Variants in MMP13 observed in about 807,000 individuals in gnomAD.
MMP13 encodes the protein collagenase 3.
In MMP13, 45 loss-of-function variants were observed where a neutral mutation model predicts 52.1. That is an observed-to-expected ratio of 0.86 (90% CI 0.68 to 1.11). MMP13 has a LOEUF of 1.11. MMP13 is among the 50% of genes least tolerant of loss of function. The pLI, the probability that MMP13 is intolerant of heterozygous loss-of-function variation, is 0.00. For synonymous variants in MMP13, 200 were observed against 204.4 expected (o/e 0.98, Z 0.18); for missense variants, 576 against 583.8 (o/e 0.99, Z 0.14).
At chr11:102,946,739 A>G (rs1314863222) in intron 8 of MMP13, among the ~76,000 whole-genome samples, 2 of 152,206 alleles carry the variant, frequency 1.3e-5, no homozygotes, top group Non-Finnish European at 2.9e-5. Flanking sequence ...CTGACTGAAC[A>G]ATATACTTCT....
chr11:102,946,796 G>T (rs574687926), intron 8 of MMP13, among the ~76,000 whole-genome samples: 2 of 152,304 alleles, frequency 1.3e-5, no homozygotes, highest in East Asian at 3.9e-4. Context: ...AGCTGGCAGT[G>T]ATTTCTAGAA....
In MMP13 at chr11:102,949,213, A is replaced by G. The variant is rs895375770; in HGVS notation, c.918-55T>C. On this transcript the variant is annotated intron_variant, in intron 6 of 9. Coordinates refer to ENST00000260302, the MANE Select transcript of MMP13 (RefSeq NM_002427.4). The surrounding 1 kb of genome is among the most constrained non-coding windows in gnomAD (Gnocchi z 4.2). ...TCACATTTTTAAATGCAATATTTCT[A>G]TCCTGCTAGTCACCTCTCTCCACAT... The G allele has an allele frequency of 1.3e-6, 2 of 1,596,306 alleles. No homozygotes were observed. The highest frequency in any genetic ancestry group is 8.5e-7 in the Non-Finnish European group (1 of 1,171,902).
chr11:102,948,269 A>C lies in MMP13; in HGVS notation c.1052-219T>G, dbSNP rs576200304. ...TAACTTCCCAATTATGAATATAGCT[A>C]ATCAAATATCACAGTTAACTTGGCA... On this transcript the variant is annotated intron_variant, in intron 7 of 9. Coordinates refer to ENST00000260302, the MANE Select transcript of MMP13 (RefSeq NM_002427.4). Among the ~76,000 whole-genome samples the C allele has an allele frequency of 2.0e-5, 3 of 152,336 alleles. No homozygotes were observed. In the South Asian group the frequency reaches 6.2e-4, roughly 32 times the overall value.
At position 102,950,371 on chromosome 11, in the gene MMP13, G is replaced by C. The variant is rs782529079; in HGVS notation, c.800-144C>G. 9 of 777,832 alleles carry C rather than the reference G, an allele frequency of 1.2e-5. 1 individual carries two copies. Among genetic ancestry groups the C allele is most frequent in the Admixed American group, 5.1e-5 (3 of 58,380 alleles). The allele number at this position is 777,832 out of a possible 1,614,324, so 48.2% of individuals were successfully genotyped here. On this transcript the variant is annotated intron_variant, in intron 5 of 9. Transcript: ENST00000260302. ...GTAGGTCCTGGGGCTCCTACATCAT[G>C]GTGCAAGTACCGTGTAATCTTACTT...
At chr11:102,948,135 A>C in intron 7 of MMP13, 85 bp from the exon 8 acceptor site, 1 of 1,026,112 alleles carries the variant, frequency 9.7e-7, no homozygotes, top group South Asian at 1.4e-5. Context: ...AGACAGGCCC[A>C]CTTTTACATT....
chr11:102,951,372 G>T (rs944506877), intron 5 of MMP13, among the ~76,000 whole-genome samples: 2 of 152,100 alleles, frequency 1.3e-5, no homozygotes, highest in Non-Finnish European at 2.9e-5. Flanking sequence ...TTGGTTAAAT[G>T]GGGAACAAAA....
In MMP13 at chr11:102,950,499, A is replaced by T. The variant is rs931046740; in HGVS notation, c.800-272T>A. On this transcript the variant is annotated intron_variant, in intron 5 of 9. Transcript: ENST00000260302. ...ATGATAAAAAGGAGGGAAAAAAGCA[A>T]CAGAATTTGAGAAATTTTCCCTACA... Among the ~76,000 whole-genome samples the T allele has an allele frequency of 2.6e-5, 4 of 152,254 alleles. No homozygotes were observed. The South Asian group carries it at 8.3e-4, about 32-fold the overall frequency.
intron 5 of MMP13, among the ~76,000 whole-genome samples, chr11:102,950,701 A>G (rs1425775258): frequency 6.6e-6 from 1 of 152,112 alleles, no homozygotes; most frequent in African/African-American, 2.4e-5. Context: ...GCTGTATCTC[A>G]GCTGTGACAA....
At chr11:102,945,511 C>A in intron 9 of MMP13, 135 bp downstream of exon 9, 2 of 687,694 alleles carry the variant, frequency 2.9e-6, no homozygotes, top group Middle Eastern at 3.6e-4. Flanking sequence ...GGTAGTCACA[C>A]AGGAACAATT....
In MMP13 at chr11:102,954,563, T is replaced by C. The variant is rs751273414; in HGVS notation, c.406A>G (p.Lys136Glu). The C allele has an allele frequency of 6.2e-7, 1 of 1,613,614 alleles. No individual in the cohort carries two copies. The highest frequency in any genetic ancestry group is 1.3e-5 in the African/African-American group (1 of 74,904). ...TPDMTHSEVE[K>E]AFKKAFKVWS... ...ACTTTGAAGGCTTTTTTGAATGCCT[T>C]TTCGACTTCAGAATGAGTCATATCA... Residue 136 changes from lysine (K) to glutamate (E), a missense_variant, in exon 3 of 10, where the codon AAG (lysine) becomes GAG (glutamate). Coordinates refer to ENST00000260302, the MANE Select transcript of MMP13 (RefSeq NM_002427.4).
chr11:102,949,789 C>G lies in MMP13; in HGVS notation c.917+321G>C, dbSNP rs948009418. Among the ~76,000 whole-genome samples, 1 of 152,094 alleles carries G rather than the reference C, an allele frequency of 6.6e-6. No homozygotes were observed. Among genetic ancestry groups the G allele is most frequent in the African/African-American group, 2.4e-5 (1 of 41,406 alleles). On this transcript the variant is annotated intron_variant, in intron 6 of 9. Transcript: ENST00000260302. This position sits in a 1 kb window ranked among gnomAD's most constrained non-coding sequence, Gnocchi z 4.2. The stretch of plus-strand genomic sequence containing the variant: ...AATCCGTGTGGGCCTAACGAGTAAC[C>G]ATTTATTAATACAGCAGTTACTTTC...
chr11:102,949,925 A>G lies in MMP13; in HGVS notation c.917+185T>C, dbSNP rs1860581597. On this transcript the variant is annotated intron_variant, in intron 6 of 9. Coordinates refer to ENST00000260302, the MANE Select transcript of MMP13 (RefSeq NM_002427.4). The surrounding 1 kb of genome is among the most constrained non-coding windows in gnomAD (Gnocchi z 4.2). ...GGAAGCTACACAATGTCAAGGTTAT[A>G]CGTTGAAAAGTAAAACATTTATCCA... 6.6e-6 allele frequency among the ~76,000 whole-genome samples: 1 copy of G among 152,204 alleles called. No individual in the cohort carries two copies. The highest frequency in any genetic ancestry group is 2.4e-5 in the African/African-American group (1 of 41,462).
chr11:102,947,799 A>G, intron 8 of MMP13, 92 bp downstream of exon 8: 1 of 1,379,676 alleles, frequency 7.2e-7, no homozygotes, highest in Non-Finnish European at 1.0e-6. Flanking sequence ...TGACATTTAC[A>G]ATAGTGTGTA....
Position 102,955,413 on chromosome 11 carries a change from C to T in MMP13, c.201G>A (p.Arg67=). 1 of 1,614,014 alleles carries T rather than the reference C, an allele frequency of 6.2e-7. No homozygotes were observed. ...CGAAGAAAGACTGCATTTCTCGGAG[C>T]CTCTCAGTCATGGAGCTTGCTGCAT... is the stretch of plus-strand genomic sequence containing the variant. The part of the protein sequence containing the change: ...KENAASSMTE[R]LREMQSFFGL... Residue 67 remains arginine (R), a synonymous_variant, in exon 2 of 10, where the codon AGG becomes AGA. Transcript: ENST00000260302. This position sits in a 1 kb window ranked among gnomAD's most constrained non-coding sequence, Gnocchi z 4.9.
Position 102,949,879 on chromosome 11 carries a change from A to T in MMP13, c.917+231T>A, listed in dbSNP as rs1403515794. Among the ~76,000 whole-genome samples the T allele has an allele frequency of 6.6e-6, 1 of 152,218 alleles. No individual in the cohort carries two copies. Among genetic ancestry groups the T allele is most frequent in the African/African-American group, 2.4e-5 (1 of 41,460 alleles). On this transcript the variant is annotated intron_variant, in intron 6 of 9. Coordinates refer to ENST00000260302, the MANE Select transcript of MMP13 (RefSeq NM_002427.4). This position sits in a 1 kb window ranked among gnomAD's most constrained non-coding sequence, Gnocchi z 4.2. ...TTTCTTGGTTATATTTATAAGAAAG[A>T]CTGTAACTAGAGATGTAAAAGGAAG...
rs368922836 is a variant in MMP13, at chr11:102,945,750, C to A, written c.1212-1G>T. The A allele has an allele frequency of 3.1e-5, 47 of 1,506,372 alleles. No individual in the cohort carries two copies. Among genetic ancestry groups the A allele is most frequent in the Non-Finnish European group, 4.1e-5 (45 of 1,086,562 alleles). The allele number at this position is 1,506,372 out of a possible 1,614,324, so 93.3% of individuals were successfully genotyped here. A position where few individuals can be genotyped will look rare whatever the true frequency, so the allele number is the denominator to read the frequency against. ...CATAATATGGTTAGTATCATCATAT[C>A]TATTTAAAGAAAAAAAACTCCTAAG... On this transcript the variant is annotated splice_acceptor_variant, in intron 8 of 9. Transcript: ENST00000260302. LOFTEE classifies it high-confidence loss of function.
Position 102,950,094 on chromosome 11 carries a change from AGAAT to A in MMP13, c.917+12_917+15del. 6.3e-7 allele frequency: 1 copy of A among 1,579,000 alleles called. No individual in the cohort carries two copies. The highest frequency in any genetic ancestry group is 8.7e-7 in the Non-Finnish European group (1 of 1,148,066). ...GTTTGTCGCATACAGACTTTATGAA[AGAAT>A]CTCAAGAGTACCTGTCTTTAAAGAT... On this transcript the variant is annotated intron_variant, in intron 6 of 9. Transcript: ENST00000260302.
chr11:102,951,646 GTGT>G (rs1312256503), intron 5 of MMP13, among the ~76,000 whole-genome samples: 1 of 152,126 alleles, frequency 6.6e-6, no homozygotes, highest in Non-Finnish European at 1.5e-5. Flanking sequence ...TCTGAAAAAT[GTGT>G]TGTTAGGAGA....
chr11:102,950,269 T>C, intron 5 of MMP13, 42 bp from the exon 6 acceptor site: 1 of 1,436,990 alleles, frequency 7.0e-7, no homozygotes. Flanking sequence ...GAGTGTGACA[T>C]TACTGATAAC....
Sources: allele counts gnomAD v4.1 joint callset (sites outside exome capture counted in the v4.1 genomes callset), GRCh38; gene constraint gnomAD v4.1.1; non-coding constraint Gnocchi (gnomAD v3.1); transcripts MANE v1.5; gene names NCBI Gene and HGNC (gene_info 2026-07-23, HGNC 2026-07-21).